The following MGMT variants were observed in gnomAD, a reference collection of about 807,000 sequenced individuals.
The protein encoded by MGMT is O-6-methylguanine-DNA methyltransferase.
In MGMT, 14 loss-of-function variants were observed where a neutral mutation model predicts 15.9. The observed-to-expected ratio is 0.88, with a 90% CI of 0.58 to 1.37. The LOEUF is 1.37. Ranked by LOEUF, MGMT falls within the 40% of genes most tolerant of loss-of-function variation. MGMT has a pLI of 0.00. For missense variants in MGMT, 282 were observed against 268.1 expected (o/e 1.05, Z -0.36); for synonymous variants, 130 against 118.2 (o/e 1.10, Z -0.65).
chr10:129,628,594 A>G (rs1847176985), intron 2 of MGMT, among the ~76,000 whole-genome samples: 1 of 152,166 alleles, frequency 6.6e-6, no homozygotes, highest in African/African-American at 2.4e-5. Flanking sequence ...AAAACATCCC[A>G]GTACAAAAAC....
chr10:129,497,425 G>C (rs1181670082), intron 1 of MGMT, among the ~76,000 whole-genome samples: 2 of 152,190 alleles, frequency 1.3e-5, no homozygotes, highest in Non-Finnish European at 2.9e-5. Flanking sequence ...TTTGGGGTCA[G>C]ATTAGACCCT....
At chr10:129,488,967 C>T (rs544812845) in intron 1 of MGMT, among the ~76,000 whole-genome samples, 9 of 152,254 alleles carry the variant, frequency 5.9e-5, no homozygotes, top group East Asian at 5.8e-4. Context: ...TCCAAGTGGA[C>T]GCATGCCTTT....
At chr10:129,722,530 TGAAAAA>T (rs1390967470) in intron 3 of MGMT, among the ~76,000 whole-genome samples, 1 of 152,190 alleles carries the variant, frequency 6.6e-6, no homozygotes, top group Admixed American at 6.5e-5. Flanking sequence ...AAAACAATCT[TGAAAAA>T]GAAGAATGAA....
Position 129,656,229 on chromosome 10 carries a change from G to C in MGMT, c.126-51666G>C, listed in dbSNP as rs556445462. 5.3e-5 allele frequency among the ~76,000 whole-genome samples: 8 copies of C among 152,366 alleles called. No homozygotes were observed. In the East Asian group the frequency reaches 1.5e-3, roughly 29 times the overall value. On this transcript the variant is annotated intron_variant, in intron 2 of 4. Transcript: ENST00000651593. ...CATCTTCAGTGGAGTCTGGACTGCA[G>C]TCGGGAGGTGACAAACATCCATGGC... is the stretch of plus-strand genomic sequence containing the variant.
intron 2 of MGMT, among the ~76,000 whole-genome samples, chr10:129,626,513 C>T (rs1046095907): frequency 1.2e-4 from 18 of 152,158 alleles, no homozygotes; most frequent in Non-Finnish European, 2.4e-4. Context: ...AGCCCCGCGG[C>T]ATGTTCTGCC....
At chr10:129,676,128 C>T (rs1366017275) in intron 2 of MGMT, among the ~76,000 whole-genome samples, 3 of 152,164 alleles carry the variant, frequency 2.0e-5, no homozygotes, top group East Asian at 1.9e-4. Context: ...GATGGGGAGT[C>T]GGGGTGAAGC....
At chr10:129,630,992 G>A (rs1175193388) in intron 2 of MGMT, among the ~76,000 whole-genome samples, 1 of 152,144 alleles carries the variant, frequency 6.6e-6, no homozygotes, top group African/African-American at 2.4e-5. Flanking sequence ...AATGAAAAAG[G>A]GAAGGAAAAA....
chr10:129,563,596 G>A (rs180870568), intron 2 of MGMT, among the ~76,000 whole-genome samples: 48 of 152,130 alleles, frequency 3.2e-4, no homozygotes, highest in African/African-American at 9.9e-4. Flanking sequence ...GTGAGCATGC[G>A]GAGCTCCCCT....
At chr10:129,480,399 G>A (rs1845344481) in intron 1 of MGMT, among the ~76,000 whole-genome samples, 2 of 152,134 alleles carry the variant, frequency 1.3e-5, no homozygotes, top group Admixed American at 1.3e-4. Context: ...ATTTTGTAGC[G>A]TCTTTCATCG....
chr10:129,704,094 C>T (rs1848130705), intron 2 of MGMT, among the ~76,000 whole-genome samples: 1 of 152,088 alleles, frequency 6.6e-6, no homozygotes, highest in Non-Finnish European at 1.5e-5. Flanking sequence ...CATCGTTCTT[C>T]TTAGATAGCA....
chr10:129,730,504 G>T (rs540073323), intron 3 of MGMT, among the ~76,000 whole-genome samples: 2 of 152,222 alleles, frequency 1.3e-5, no homozygotes, highest in East Asian at 1.9e-4. Context: ...AAGGTCTGGC[G>T]TGTTTCTAAG....
Position 129,467,307 on chromosome 10 carries a change from G to C in MGMT, c.-13+11G>C. 1.3e-6 allele frequency: 2 copies of C among 1,536,592 alleles called. No individual in the cohort carries two copies. Among genetic ancestry groups the C allele is most frequent in the Non-Finnish European group, 1.8e-6 (2 of 1,142,052 alleles). On this transcript the variant is annotated intron_variant, in intron 1 of 4. Coordinates refer to ENST00000651593, the MANE Select transcript of MGMT (RefSeq NM_002412.5). ...ACCGTTTGCGACTTGGTGAGTGTCT[G>C]GGTCGCCTCGCTCCCGGAAGAGTGC...
At chr10:129,751,785 A>G (rs1848752947) in intron 3 of MGMT, among the ~76,000 whole-genome samples, 1 of 151,812 alleles carries the variant, frequency 6.6e-6, no homozygotes, top group Non-Finnish European at 1.5e-5. Context: ...TTTAGAAGTG[A>G]TATGTTTACT....
chr10:129,741,496 G>T (rs752278259), intron 3 of MGMT, among the ~76,000 whole-genome samples: 1 of 152,174 alleles, frequency 6.6e-6, no homozygotes, highest in Non-Finnish European at 1.5e-5. Context: ...TGTGGCCCTC[G>T]CACCAAGAAC....
intron 2 of MGMT, among the ~76,000 whole-genome samples, chr10:129,596,525 C>T (rs1174583244): frequency 2.0e-5 from 3 of 152,100 alleles, no homozygotes; most frequent in South Asian, 2.1e-4. Flanking sequence ...TTGTGTGCAC[C>T]GAGGAAGTTC....
chr10:129,586,670 T>C (rs1309882036), intron 2 of MGMT, among the ~76,000 whole-genome samples: 1 of 152,250 alleles, frequency 6.6e-6, no homozygotes, highest in Non-Finnish European at 1.5e-5. Flanking sequence ...TGCTTTCGGC[T>C]GTTGCAGACA....
chr10:129,522,462 C>A (rs116166875), intron 1 of MGMT, among the ~76,000 whole-genome samples: 1 of 152,184 alleles, frequency 6.6e-6, no homozygotes, highest in Non-Finnish European at 1.5e-5. Context: ...CGTCCTGGAG[C>A]CCCCATCCCA....
At chr10:129,634,152 A>G (rs865916051) in intron 2 of MGMT, among the ~76,000 whole-genome samples, 10 of 152,156 alleles carry the variant, frequency 6.6e-5, no homozygotes, top group Non-Finnish European at 1.2e-4. Flanking sequence ...TTTCCTCCCA[A>G]TACTTTACAG....
chr10:129,628,438 G>A (rs1390111688), intron 2 of MGMT, among the ~76,000 whole-genome samples: 1 of 152,174 alleles, frequency 6.6e-6, no homozygotes, highest in Non-Finnish European at 1.5e-5. Context: ...CTCGGTCGCT[G>A]GGCAGTGCTG....
Sources: allele counts gnomAD v4.1 joint callset (sites outside exome capture counted in the v4.1 genomes callset), GRCh38; gene constraint gnomAD v4.1.1; transcripts MANE v1.5; gene names NCBI Gene and HGNC (gene_info 2026-07-23, HGNC 2026-07-21).